The following CDYL2 variants were observed in gnomAD, a reference collection of about 807,000 sequenced individuals.
CDYL2 encodes chromodomain Y-like protein 2.
A neutral mutation model predicts 49.4 loss-of-function variants in CDYL2; 23 were observed. The ratio of observed to expected loss-of-function variants is 0.47; its 90% CI spans 0.34 to 0.66. The LOEUF is 0.66. Ranked by LOEUF, CDYL2 falls within the 30% of genes least tolerant of loss-of-function variation. The pLI is 0.01. For missense variants in CDYL2, 678 were observed against 656.4 expected, an observed-to-expected ratio of 1.03 and a Z score of -0.36; for synonymous variants, 360 against 268.8, an observed-to-expected ratio of 1.34 and a Z score of -3.32.
intron 2 of CDYL2, among the ~76,000 whole-genome samples, chr16:80,664,087 G>A (rs1389948326): frequency 6.6e-6 from 1 of 152,102 alleles, no homozygotes; most frequent in Non-Finnish European, 1.5e-5. Flanking sequence ...AAAGTATAAA[G>A]TGATTTCCTT....
chr16:80,773,073 CAT>C (rs1212489805), intron 1 of CDYL2, among the ~76,000 whole-genome samples: 2 of 151,844 alleles, frequency 1.3e-5, no homozygotes, highest in African/African-American at 2.4e-5. Context: ...ACATGTAAAA[CAT>C]ATGCATACAG....
At chr16:80,615,056 A>G (rs990952196) in intron 4 of CDYL2, among the ~76,000 whole-genome samples, 8 of 152,072 alleles carry the variant, frequency 5.3e-5, no homozygotes, top group Non-Finnish European at 1.5e-5. Context: ...AAGTCATCAT[A>G]AAAGTACGTG....
At chr16:80,764,264 G>A (rs959429287) in intron 1 of CDYL2, among the ~76,000 whole-genome samples, 1 of 152,154 alleles carries the variant, frequency 6.6e-6, no homozygotes, top group African/African-American at 2.4e-5. Flanking sequence ...AAACAGTAGA[G>A]AGTACCTAAG....
chr16:80,633,257 A>G, intron 2 of CDYL2, 21 bp from the exon 3 acceptor site: 2 of 1,603,100 alleles, frequency 1.2e-6, no homozygotes. Flanking sequence ...CAGATAAACA[A>G]TGTAAGAAAC....
intron 1 of CDYL2, among the ~76,000 whole-genome samples, chr16:80,687,838 C>T (rs17752993): frequency 0.018 from 2,761 of 152,170 alleles, 29 homozygotes; most frequent in Admixed American, 0.026. Flanking sequence ...GGGGTTGTTG[C>T]GGAAAATACA....
Position 80,603,737 on chromosome 16 carries a change from A to C in CDYL2, c.*651T>G, listed in dbSNP as rs1906200007. On this transcript the variant is annotated 3_prime_UTR_variant, in exon 7 of 7. Transcript: ENST00000570137. ...TTTGTTTTTGCAAAACTAGCTTTAC[A>C]TATAATACACATAAATTATCAGAAT... 3 of 152,722 alleles carry C rather than the reference A, an allele frequency of 2.0e-5. No homozygotes were observed. Among genetic ancestry groups the C allele is most frequent in the African/African-American group, 7.2e-5 (3 of 41,478 alleles). 9.5% of individuals were successfully genotyped at this position (152,722 alleles called of 1,614,324 possible). A position where few individuals can be genotyped will look rare whatever the true frequency, so the allele number is the denominator to read the frequency against.
At chr16:80,611,419 C>T (rs1906589668) in intron 5 of CDYL2, among the ~76,000 whole-genome samples, 3 of 152,150 alleles carry the variant, frequency 2.0e-5, no homozygotes, top group Admixed American at 2.0e-4. Flanking sequence ...GAGTTTGTGG[C>T]TGCTCTGAAC....
At chr16:80,798,624 T>C (rs1285608301) in intron 1 of CDYL2, among the ~76,000 whole-genome samples, 1 of 152,228 alleles carries the variant, frequency 6.6e-6, no homozygotes, top group Non-Finnish European at 1.5e-5. Flanking sequence ...CAACTGTTTA[T>C]GTTATCAGTA....
intron 1 of CDYL2, among the ~76,000 whole-genome samples, chr16:80,762,270 A>G (rs1906558809): frequency 6.6e-6 from 1 of 152,234 alleles, no homozygotes; most frequent in Admixed American, 6.5e-5. Flanking sequence ...ACTTCAGAAG[A>G]GTCGCAGAGT....
chr16:80,634,467 C>T (rs556014493), intron 2 of CDYL2, among the ~76,000 whole-genome samples: 35 of 152,108 alleles, frequency 2.3e-4, no homozygotes, highest in Non-Finnish European at 3.5e-4. Context: ...GGACCCAGGG[C>T]GGGGAACATC....
intron 2 of CDYL2, among the ~76,000 whole-genome samples, chr16:80,677,009 C>T (rs1366026684): frequency 1.5e-5 from 2 of 130,674 alleles, no homozygotes; most frequent in Non-Finnish European, 3.1e-5. Flanking sequence ...CTCGCTCTGT[C>T]GCCCAGGCTG....
Position 80,678,566 on chromosome 16 carries a change from C to T in CDYL2, c.616+5972G>A, listed in dbSNP as rs1448049277. 1.2e-4 allele frequency among the ~76,000 whole-genome samples: 18 copies of T among 151,842 alleles called. No individual in the cohort carries two copies. The South Asian group carries it at 3.5e-3, about 30-fold the overall frequency. On this transcript the variant is annotated intron_variant, in intron 2 of 6. Coordinates refer to ENST00000570137, the MANE Select transcript of CDYL2 (RefSeq NM_152342.4). Reference sequence around the variant, plus strand: ...GCAAATCAAAACCACAATGAGATACCATCTCACACCAGTTAGAATGGCAAT... The same window carrying T: ...GCAAATCAAAACCACAATGAGATACTATCTCACACCAGTTAGAATGGCAAT...
rs186897954 is a variant in CDYL2 at position 80,750,364 on chromosome 16, C to A, written c.24+53786G>T. Reference sequence around the variant, plus strand: ...AATTTTAAAAGCACAAAATAATTAACAGAAATAAAAAATAAAAACAGTAGA... The same window carrying A: ...AATTTTAAAAGCACAAAATAATTAAAAGAAATAAAAAATAAAAACAGTAGA... On this transcript the variant is annotated intron_variant, in intron 1 of 6. Transcript: ENST00000570137. Among the ~76,000 whole-genome samples the A allele has an allele frequency of 2.7e-3, 349 of 130,320 alleles. 4 individuals carry two copies. The highest frequency in any genetic ancestry group is 0.022 in the Admixed American group (293 of 13,344). The allele number at this position is 130,320 out of a possible 152,430, so 85.5% of individuals were successfully genotyped here.
At chr16:80,742,621 GATGA>G (rs951534248) in intron 1 of CDYL2, among the ~76,000 whole-genome samples, 9 of 150,164 alleles carry the variant, frequency 6.0e-5, no homozygotes, top group African/African-American at 1.5e-4. Flanking sequence ...AGAATGAATG[GATGA>G]ATGGATGGAT....
chr16:80,647,024 G>C (rs1486793757), intron 2 of CDYL2, among the ~76,000 whole-genome samples: 1 of 152,030 alleles, frequency 6.6e-6, no homozygotes, highest in Admixed American at 6.6e-5. Context: ...ATTATATAAT[G>C]ATAAATACAC....
At chr16:80,661,307 G>A (rs1386831541) in intron 2 of CDYL2, among the ~76,000 whole-genome samples, 1 of 151,974 alleles carries the variant, frequency 6.6e-6, no homozygotes, top group Non-Finnish European at 1.5e-5. Context: ...ATTATTATGG[G>A]CAGCTGGAGT....
At chr16:80,617,025 C>G (rs912657963) in intron 4 of CDYL2, among the ~76,000 whole-genome samples, 1 of 152,200 alleles carries the variant, frequency 6.6e-6, no homozygotes, top group African/African-American at 2.4e-5. Context: ...CACTGCTTTC[C>G]TGAATACCAC....
intron 1 of CDYL2, among the ~76,000 whole-genome samples, chr16:80,752,411 T>C (rs891490369): frequency 1.3e-5 from 2 of 151,160 alleles, no homozygotes; most frequent in African/African-American, 2.4e-5. Flanking sequence ...GAACATCGAG[T>C]CACAAAATCC....
chr16:80,613,346 T>C (rs189182816), intron 4 of CDYL2, among the ~76,000 whole-genome samples: 2 of 152,286 alleles, frequency 1.3e-5, no homozygotes, highest in African/African-American at 4.8e-5. Context: ...GGTATTTGCA[T>C]TTTAGCTCAA....
Sources: gnomAD v4.1 joint callset for allele counts (sites outside exome capture counted in the v4.1 genomes callset) on GRCh38, gnomAD v4.1.1 for gene constraint, MANE v1.5 for transcripts, NCBI Gene and HGNC (gene_info 2026-07-23, HGNC 2026-07-21) for gene names.